MTUS2: variants seen among roughly 807,000 people sequenced by gnomAD.
MTUS2 encodes the protein microtubule-associated tumor suppressor candidate 2.
MTUS2 carries 40 observed loss-of-function variants against 114.1 expected under a neutral mutation model. The observed-to-expected ratio is 0.35, with a 90% CI of 0.27 to 0.46. The LOEUF (loss-of-function observed/expected upper bound fraction) is 0.46. Among genes scored for constraint, MTUS2 ranks in the 20% least tolerant of loss-of-function variants. MTUS2 has a pLI of 1.00. For missense variants in MTUS2, 1,679 were observed against 1,705.4 expected (o/e 0.98, Z 0.27); for synonymous variants, 688 against 672.0 (o/e 1.02, Z -0.37).
chr13:29,038,449 G>A (rs975089712), intron 4 of MTUS2, among the ~76,000 whole-genome samples: 2 of 152,152 alleles, frequency 1.3e-5, no homozygotes, highest in East Asian at 1.9e-4. Context: ...GATACCAGCC[G>A]GAGCTCTCCT....
chr13:29,470,578 C>G (rs1593481091), intron 9 of MTUS2, among the ~76,000 whole-genome samples: 1 of 152,236 alleles, frequency 6.6e-6, no homozygotes, highest in African/African-American at 2.4e-5. Flanking sequence ...TCCTTGCCTC[C>G]TACAGTCTGT....
In MTUS2 at chr13:29,065,827, A is replaced by T. The variant is rs150527437; in HGVS notation, c.2446+31702A>T. Among the ~76,000 whole-genome samples the T allele has an allele frequency of 9.3e-3, 1,419 of 152,338 alleles. 22 individuals carry two copies. Among genetic ancestry groups the T allele is most frequent in the African/African-American group, 0.033 (1,360 of 41,590 alleles). On this transcript the variant is annotated intron_variant, in intron 4 of 15. Coordinates refer to ENST00000612955, the MANE Select transcript of MTUS2 (RefSeq NM_001033602.4). ...TCTCTAAAAATGAGAATAATAGCAG[A>T]ACATAAAGCACTTGATTGTTAAAAG... is the stretch of plus-strand genomic sequence containing the variant.
chr13:29,132,347 T>C (rs989444025), intron 5 of MTUS2, among the ~76,000 whole-genome samples: 1 of 152,220 alleles, frequency 6.6e-6, no homozygotes, highest in Non-Finnish European at 1.5e-5. Flanking sequence ...TAGCTTTTTT[T>C]CCCATGTTTG....
chr13:29,078,741 TCCACATTTCAG>T (rs1363994057), intron 4 of MTUS2, among the ~76,000 whole-genome samples: 1 of 152,208 alleles, frequency 6.6e-6, no homozygotes, highest in Non-Finnish European at 1.5e-5. Context: ...TCAAACTTCA[TCCACATTTCAG>T]CATGTATCAG....
intron 5 of MTUS2, among the ~76,000 whole-genome samples, chr13:29,131,540 G>A (rs1043342281): frequency 1.3e-5 from 2 of 152,250 alleles, no homozygotes; most frequent in Admixed American, 6.5e-5. Flanking sequence ...CATGGCCATG[G>A]CAATGGTGGG....
rs1312937325 is a variant in MTUS2 at position 29,504,783 on chromosome 13, G to C, written c.*1577G>C. 3.4e-5 allele frequency: 8 copies of C among 233,146 alleles called. No homozygotes were observed. The South Asian group carries it at 1.4e-3, about 42-fold the overall frequency. The allele number at this position is 233,146 out of a possible 1,614,324, so 14.4% of individuals were successfully genotyped here. On this transcript the variant is annotated 3_prime_UTR_variant, in exon 16 of 16. Transcript: ENST00000612955. ...TTCTCCCTGAGACCCCCCCAAAATT[G>C]TCCTGAGCACAGGCCTGTCTTTGAG...
intron 8 of MTUS2, among the ~76,000 whole-genome samples, chr13:29,362,312 C>G (rs1232173275): frequency 1.3e-5 from 2 of 152,146 alleles, no homozygotes; most frequent in African/African-American, 4.8e-5. Context: ...AACAAATATT[C>G]AATCAAACAT....
chr13:28,914,598 A>G (rs1174630359), intron 2 of MTUS2, among the ~76,000 whole-genome samples: 1 of 152,130 alleles, frequency 6.6e-6, no homozygotes, highest in Non-Finnish European at 1.5e-5. Context: ...GATATTTATC[A>G]GGTCCACTTG....
At chr13:28,909,257 T>C (rs959753845) in intron 2 of MTUS2, among the ~76,000 whole-genome samples, 2 of 151,684 alleles carry the variant, frequency 1.3e-5, no homozygotes, top group Non-Finnish European at 2.9e-5. Flanking sequence ...GGGGGTGGCA[T>C]TGAATCTATA....
chr13:29,338,943 T>G (rs1489523838), intron 7 of MTUS2, among the ~76,000 whole-genome samples: 1 of 152,070 alleles, frequency 6.6e-6, no homozygotes, highest in Non-Finnish European at 1.5e-5. Flanking sequence ...GGCTGAGGCT[T>G]GCAGAATGCT....
intron 2 of MTUS2, among the ~76,000 whole-genome samples, chr13:28,858,091 CCTTGAGTGGGAATGTGCCTT>C (rs138966641): frequency 3.5e-3 from 529 of 152,194 alleles, no homozygotes; most frequent in African/African-American, 0.012. Flanking sequence ...AGGAAAAAGC[CCTTGAGTGGGAATGTGCCTT>C]TCCCTTAGAG....
At chr13:29,332,760 G>C (rs896622190) in intron 7 of MTUS2, among the ~76,000 whole-genome samples, 1 of 149,518 alleles carries the variant, frequency 6.7e-6, no homozygotes, top group African/African-American at 2.5e-5. Context: ...TCAGCCTCCC[G>C]AGTAGCTGGG....
chr13:28,983,834 G>T (rs1273106619), intron 2 of MTUS2, among the ~76,000 whole-genome samples: 1 of 152,184 alleles, frequency 6.6e-6, no homozygotes, highest in African/African-American at 2.4e-5. Flanking sequence ...AAACTAACAG[G>T]CTGCTTTATC....
chr13:29,301,520 A>G (rs1451864885), intron 6 of MTUS2, among the ~76,000 whole-genome samples: 1 of 152,230 alleles, frequency 6.6e-6, no homozygotes, highest in Non-Finnish European at 1.5e-5. Context: ...AACTTTATTA[A>G]TAATCTACAG....
chr13:28,869,037 C>G (rs1173312532), intron 2 of MTUS2, among the ~76,000 whole-genome samples: 1 of 152,158 alleles, frequency 6.6e-6, no homozygotes, highest in African/African-American at 2.4e-5. Context: ...AGAGCATTGC[C>G]AGAAACTTCT....
chr13:28,987,457 A>G (rs749358279), intron 2 of MTUS2, among the ~76,000 whole-genome samples: 1 of 151,862 alleles, frequency 6.6e-6, no homozygotes, highest in African/African-American at 2.4e-5. Flanking sequence ...GATGAGGGAG[A>G]GGAAGGAGAT....
chr13:29,379,502 C>G (rs1872038542), intron 8 of MTUS2, among the ~76,000 whole-genome samples: 1 of 152,228 alleles, frequency 6.6e-6, no homozygotes, highest in African/African-American at 2.4e-5. Flanking sequence ...CCATGATTCC[C>G]ACAGCCTGGC....
At chr13:29,452,347 T>C (rs1164812942) in intron 9 of MTUS2, among the ~76,000 whole-genome samples, 1 of 152,180 alleles carries the variant, frequency 6.6e-6, no homozygotes. Flanking sequence ...GAGGTGTTTG[T>C]TTTGTAACCC....
intron 4 of MTUS2, among the ~76,000 whole-genome samples, chr13:29,088,731 A>G (rs1288131896): frequency 6.6e-6 from 1 of 152,172 alleles, no homozygotes; most frequent in Non-Finnish European, 1.5e-5. Flanking sequence ...ATCCTTTCTC[A>G]TAATAGTGGG....
Sources: allele counts gnomAD v4.1 joint callset (sites outside exome capture counted in the v4.1 genomes callset), GRCh38; gene constraint gnomAD v4.1.1; transcripts MANE v1.5; gene names NCBI Gene and HGNC (gene_info 2026-07-23, HGNC 2026-07-21).